SNTG1: variants seen among roughly 807,000 people sequenced by gnomAD.
The protein encoded by SNTG1 is gamma-1-syntrophin.
A neutral mutation model predicts 74.7 loss-of-function variants in SNTG1; 39 were observed. The ratio of observed to expected loss-of-function variants is 0.52; its 90% CI spans 0.40 to 0.68. The LOEUF (loss-of-function observed/expected upper bound fraction) is 0.68, where lower values mean the gene tolerates loss of function less well. Among genes scored for constraint, SNTG1 ranks in the 30% least tolerant of loss-of-function variants. The pLI, the probability that SNTG1 is intolerant of heterozygous loss-of-function variation, is 0.00. For synonymous variants in SNTG1, 254 were observed against 217.1 expected (o/e 1.17, Z -1.49); for missense variants, 685 against 609.5 (o/e 1.12, Z -1.30).
chr8:50,156,229 C>G (rs1484372902), intron 1 of SNTG1, among the ~76,000 whole-genome samples: 1 of 152,080 alleles, frequency 6.6e-6, no homozygotes, highest in Non-Finnish European at 1.5e-5. Flanking sequence ...CTTACACAAA[C>G]TCTTTCAAAA....
intron 11 of SNTG1, among the ~76,000 whole-genome samples, chr8:50,550,619 C>G (rs79373576): frequency 0.12 from 17,843 of 151,836 alleles, 1,149 homozygotes; most frequent in South Asian, 0.19. Context: ...TGTATAAGTG[C>G]AGAGTGGAAA....
chr8:50,196,802 C>CA (rs542608239), intron 2 of SNTG1, among the ~76,000 whole-genome samples: 3,946 of 99,754 alleles, frequency 0.04, 129 homozygotes, highest in African/African-American at 0.1. Flanking sequence ...ACTAAAAATA[C>CA]AAAAAAAAAA....
rs191817719 is a variant in SNTG1, at chr8:50,510,278, T to G, written c.466+7398T>G. Among the ~76,000 whole-genome samples, 676 of 152,174 alleles carry G rather than the reference T, an allele frequency of 4.4e-3. 4 individuals carry two copies. The highest frequency in any genetic ancestry group is 0.015 in the African/African-American group (619 of 41,532). Reference sequence around the variant, plus strand: ...CAGGGATGAAGCCCACTTGATCATGTTGGATAAGCTTTTTGATGTGCTGCT... The same window carrying G: ...CAGGGATGAAGCCCACTTGATCATGGTGGATAAGCTTTTTGATGTGCTGCT... On this transcript the variant is annotated intron_variant, in intron 9 of 18. Transcript: ENST00000642720.
Position 50,734,874 on chromosome 8 carries a change from C to CAT in SNTG1, c.1285-17118_1285-17117dup, listed in dbSNP as rs202078145. Among the ~76,000 whole-genome samples, 5 of 114,454 alleles carry CAT rather than the reference C, an allele frequency of 4.4e-5. 1 individual carries two copies. The South Asian group carries it at 8.4e-4, about 19-fold the overall frequency. The allele number at this position is 114,454 out of a possible 152,430, so 75.1% of individuals were successfully genotyped here. ...ACATATATATATCTATATATATGGA[C>CAT]ATATATATATCTATATATATGGACA... On this transcript the variant is annotated intron_variant, in intron 17 of 18. Coordinates refer to ENST00000642720, the MANE Select transcript of SNTG1 (RefSeq NM_018967.5).
At chr8:50,157,552 C>T (rs540154990) in intron 1 of SNTG1, among the ~76,000 whole-genome samples, 1 of 151,978 alleles carries the variant, frequency 6.6e-6, no homozygotes, top group African/African-American at 2.4e-5. Context: ...TTATTATTGT[C>T]TTATCAAAAA....
intron 1 of SNTG1, among the ~76,000 whole-genome samples, chr8:50,157,834 A>G (rs1423730365): frequency 2.0e-5 from 3 of 152,162 alleles, no homozygotes; most frequent in Non-Finnish European, 4.4e-5. Context: ...AAAGAAATCC[A>G]TAGAATCGAG....
At chr8:50,748,453 T>C (rs1563804495) in intron 17 of SNTG1, among the ~76,000 whole-genome samples, 4 of 152,052 alleles carry the variant, frequency 2.6e-5, no homozygotes, top group Non-Finnish European at 5.9e-5. Context: ...TTAAAATTGG[T>C]ATTCAGGATA....
intron 8 of SNTG1, among the ~76,000 whole-genome samples, chr8:50,460,351 A>G (rs992303324): frequency 6.6e-6 from 1 of 151,722 alleles, no homozygotes; most frequent in African/African-American, 2.4e-5. Flanking sequence ...TGCTTGTTCT[A>G]TTGTTCCAGT....
At chr8:49,934,292 T>G (rs1012944440) in intron 1 of SNTG1, among the ~76,000 whole-genome samples, 65 of 125,530 alleles carry the variant, frequency 5.2e-4, no homozygotes, top group African/African-American at 1.7e-3. Flanking sequence ...TCTATCTATC[T>G]ATCTATCTAT....
intron 13 of SNTG1, among the ~76,000 whole-genome samples, chr8:50,629,613 C>T (rs1186454788): frequency 6.6e-6 from 1 of 151,978 alleles, no homozygotes; most frequent in Non-Finnish European, 1.5e-5. Flanking sequence ...ATGATATTGA[C>T]TAATTTTAGA....
At chr8:50,792,545 G>T in intron 18 of SNTG1, 126 bp from the exon 19 acceptor site, 1 of 982,238 alleles carries the variant, frequency 1.0e-6, no homozygotes. Context: ...TTTGAAATTA[G>T]TTTCCACATG....
chr8:50,674,818 C>A (rs1445592537), intron 15 of SNTG1, among the ~76,000 whole-genome samples: 1 of 152,054 alleles, frequency 6.6e-6, no homozygotes, highest in African/African-American at 2.4e-5. Flanking sequence ...ATAAGTTTCC[C>A]TCTAAACACT....
rs893315311 is a variant in SNTG1 at position 50,794,922 on chromosome 8, A to G, written c.*2093A>G. On this transcript the variant is annotated 3_prime_UTR_variant, in exon 19 of 19. Transcript: ENST00000642720. ...TTAAAAAACCTATTAACCATTAGCT[A>G]TCTTTTTAGTGTTATTATGAAAATT... 5.9e-5 allele frequency: 9 copies of G among 152,056 alleles called. No individual in the cohort carries two copies. Among genetic ancestry groups the G allele is most frequent in the Admixed American group, 1.3e-4 (2 of 15,238 alleles). 9.4% of individuals were successfully genotyped at this position (152,056 alleles called of 1,614,324 possible).
At chr8:50,293,358 A>G (rs1321744587) in intron 2 of SNTG1, among the ~76,000 whole-genome samples, 1 of 149,140 alleles carries the variant, frequency 6.7e-6, no homozygotes, top group Non-Finnish European at 1.5e-5. Context: ...ATCTCTTCTT[A>G]TATAGAACCA....
intron 13 of SNTG1, among the ~76,000 whole-genome samples, chr8:50,601,329 A>G (rs983106182): frequency 6.6e-6 from 1 of 151,960 alleles, no homozygotes; most frequent in East Asian, 1.9e-4. Flanking sequence ...TGTTTCCATT[A>G]CCATTTGTTT....
At chr8:50,165,204 G>A (rs1221646249) in intron 1 of SNTG1, among the ~76,000 whole-genome samples, 1 of 152,170 alleles carries the variant, frequency 6.6e-6, no homozygotes, top group African/African-American at 2.4e-5. Flanking sequence ...ATTTAATTAA[G>A]TGAGGTCAAT....
chr8:50,331,927 G>T (rs1267272399), intron 2 of SNTG1, among the ~76,000 whole-genome samples: 1 of 152,180 alleles, frequency 6.6e-6, no homozygotes, highest in Non-Finnish European at 1.5e-5. Flanking sequence ...TTTTTCAGAA[G>T]TCAGTCATGC....
At chr8:50,215,475 T>G (rs1054319057) in intron 2 of SNTG1, among the ~76,000 whole-genome samples, 9 of 142,236 alleles carry the variant, frequency 6.3e-5, no homozygotes, top group East Asian at 1.9e-4. Flanking sequence ...TATATATATA[T>G]AGACTATATA....
At chr8:50,584,354 A>G (rs968369637) in intron 12 of SNTG1, among the ~76,000 whole-genome samples, 3 of 151,512 alleles carry the variant, frequency 2.0e-5, no homozygotes, top group Non-Finnish European at 4.4e-5. Context: ...GTCTTCCACA[A>G]TGGTTGAACT....
Sources: allele counts gnomAD v4.1 joint callset (sites outside exome capture counted in the v4.1 genomes callset), GRCh38; gene constraint gnomAD v4.1.1; transcripts MANE v1.5; gene names NCBI Gene and HGNC (gene_info 2026-07-23, HGNC 2026-07-21).